CTNNBL1: variants seen among roughly 807,000 people sequenced by gnomAD.
The protein encoded by CTNNBL1 is catenin beta like 1.
Under a neutral mutation model 72.7 loss-of-function variants are expected in CTNNBL1, and 31 were observed. The ratio of observed to expected loss-of-function variants is 0.43; its 90% CI spans 0.32 to 0.58. The LOEUF (loss-of-function observed/expected upper bound fraction) is 0.58, where lower values mean the gene tolerates loss of function less well. Among genes scored for constraint, CTNNBL1 ranks in the 20% least tolerant of loss-of-function variants. The probability of loss-of-function intolerance (pLI) is 0.08; values close to 1 mark genes in which losing one functional copy is unlikely to be tolerated. For missense variants in CTNNBL1, 534 were observed against 725.1 expected, an observed-to-expected ratio of 0.74 and a Z score of 3.03; for synonymous variants, 240 against 267.3, an observed-to-expected ratio of 0.90 and a Z score of 1.00.
intron 12 of CTNNBL1, among the ~76,000 whole-genome samples, chr20:37,840,747 A>G (rs1050413374): frequency 7.9e-5 from 12 of 152,072 alleles, no homozygotes; most frequent in African/African-American, 2.7e-4. Context: ...TGGGAACTCA[A>G]TTACATGAAA....
rs1053092630 is a variant in CTNNBL1 at position 37,814,314 on chromosome 20, T to C, written c.1213+11266T>C. Among the ~76,000 whole-genome samples the C allele has an allele frequency of 1.8e-4, 28 of 152,224 alleles. 1 individual carries two copies. Among genetic ancestry groups the C allele is most frequent in the Non-Finnish European group, 1.5e-5 (1 of 68,046 alleles). On this transcript the variant is annotated intron_variant, in intron 11 of 15. Transcript: ENST00000361383. ...AAGGTGTCAGTAGTCCTGGCCCCAG[T>C]ACTGCATAAATAACTTTCATCTCTC... is the stretch of plus-strand genomic sequence containing the variant.
chr20:37,864,609 A>AC (rs1280251132), intron 15 of CTNNBL1, among the ~76,000 whole-genome samples: 4 of 152,140 alleles, frequency 2.6e-5, no homozygotes, highest in African/African-American at 9.7e-5. Flanking sequence ...CTTCCCCAGA[A>AC]CCAGCAGCAG....
intron 10 of CTNNBL1, among the ~76,000 whole-genome samples, chr20:37,780,603 A>G (rs1275695088): frequency 6.6e-6 from 1 of 152,152 alleles, no homozygotes; most frequent in African/African-American, 2.4e-5. Context: ...CATGGCCTCT[A>G]AGGGACTGTA....
chr20:37,854,744 A>G (rs2072424734), intron 13 of CTNNBL1, among the ~76,000 whole-genome samples: 1 of 151,590 alleles, frequency 6.6e-6, no homozygotes, highest in African/African-American at 2.4e-5. Context: ...GTGCACCACC[A>G]CTCCTGGTTA....
intron 4 of CTNNBL1, chr20:37,757,120 T>G (rs181740759): frequency 6.5e-6 from 1 of 153,504 alleles, no homozygotes; most frequent in Non-Finnish European, 1.5e-5. Context: ...TCCTGATCTC[T>G]GAAGACTCCT....
intron 1 of CTNNBL1, chr20:37,727,355 C>A: frequency 1.0e-6 from 1 of 984,774 alleles, no homozygotes; most frequent in Middle Eastern, 5.2e-4. Context: ...AGATTATTGG[C>A]GAGTAAAGGC....
At position 37,803,053 on chromosome 20, in the gene CTNNBL1, G is replaced by C; in HGVS notation, c.1213+5G>C. The C allele has an allele frequency of 6.2e-7, 1 of 1,612,138 alleles. No homozygotes were observed. Among genetic ancestry groups the C allele is most frequent in the Non-Finnish European group, 8.5e-7 (1 of 1,178,710 alleles). On this transcript the variant is annotated splice_donor_5th_base_variant and intron_variant, in intron 11 of 15. Transcript: ENST00000361383. ...CCACTGAGAAGGAACATGAAGGTAG[G>C]GTTCACTGGAGGAGTCAGCCTAATT...
intron 11 of CTNNBL1, among the ~76,000 whole-genome samples, chr20:37,816,199 G>T (rs192496119): frequency 6.6e-6 from 1 of 152,304 alleles, no homozygotes; most frequent in Admixed American, 6.5e-5. Flanking sequence ...TCAAGTATCA[G>T]GTTCAAGAGA....
At chr20:37,861,191 C>T (rs2072488636) in intron 15 of CTNNBL1, among the ~76,000 whole-genome samples, 1 of 152,222 alleles carries the variant, frequency 6.6e-6, no homozygotes, top group South Asian at 2.1e-4. Flanking sequence ...CAGTCTGTAC[C>T]TGGCACACAG....
At chr20:37,805,541 C>T (rs188611797) in intron 11 of CTNNBL1, among the ~76,000 whole-genome samples, 2,003 of 151,882 alleles carry the variant, frequency 0.013, 46 homozygotes, top group African/African-American at 0.047. Flanking sequence ...GGACTACAGG[C>T]GCCCACCACC....
chr20:37,800,617 G>A (rs567402556), intron 10 of CTNNBL1, among the ~76,000 whole-genome samples: 42 of 152,038 alleles, frequency 2.8e-4, no homozygotes, highest in African/African-American at 9.9e-4. Flanking sequence ...ATATTTACAT[G>A]TATATTATTC....
chr20:37,728,137 A>G (rs1175027369), intron 1 of CTNNBL1, among the ~76,000 whole-genome samples: 2 of 152,234 alleles, frequency 1.3e-5, no homozygotes, highest in African/African-American at 4.8e-5. Flanking sequence ...GCTGTTCAGT[A>G]CTATAGCCAC....
intron 13 of CTNNBL1, among the ~76,000 whole-genome samples, chr20:37,847,215 C>T (rs1285749435): frequency 2.0e-5 from 3 of 152,200 alleles, no homozygotes; most frequent in Non-Finnish European, 4.4e-5. Flanking sequence ...AAAAATACTA[C>T]TTCGAAGAAT....
intron 1 of CTNNBL1, among the ~76,000 whole-genome samples, chr20:37,706,653 A>T (rs371538672): frequency 6.6e-6 from 1 of 152,196 alleles, no homozygotes. Flanking sequence ...ATCCACGAGG[A>T]TTGGAATCAA....
intron 11 of CTNNBL1, among the ~76,000 whole-genome samples, chr20:37,818,252 G>A (rs572309955): frequency 2.6e-5 from 4 of 152,170 alleles, no homozygotes; most frequent in Non-Finnish European, 5.9e-5. Context: ...CACCCTAGAG[G>A]CACTTACCTT....
intron 1 of CTNNBL1, among the ~76,000 whole-genome samples, chr20:37,729,127 A>G: frequency 6.6e-6 from 1 of 152,312 alleles, no homozygotes; most frequent in Admixed American, 6.5e-5. Flanking sequence ...TATATGACAT[A>G]TTTATAGGTG....
At chr20:37,703,151 G>T (rs1020660800) in intron 1 of CTNNBL1, among the ~76,000 whole-genome samples, 9 of 152,086 alleles carry the variant, frequency 5.9e-5, no homozygotes, top group African/African-American at 1.7e-4. Flanking sequence ...TAGAGTTTCC[G>T]TATATTCCTC....
chr20:37,785,692 T>C (rs2073666992), intron 10 of CTNNBL1, among the ~76,000 whole-genome samples: 2 of 152,242 alleles, frequency 1.3e-5, no homozygotes, highest in African/African-American at 4.8e-5. Context: ...CTATTTTGAA[T>C]TTTTTATCTG....
intron 1 of CTNNBL1, among the ~76,000 whole-genome samples, chr20:37,723,010 G>A (rs1253151628): frequency 6.6e-6 from 1 of 152,224 alleles, no homozygotes; most frequent in Non-Finnish European, 1.5e-5. Context: ...TTGCCTTCCA[G>A]TGACTTTACA....
Sources: gnomAD v4.1 joint callset for allele counts (sites outside exome capture counted in the v4.1 genomes callset) on GRCh38, gnomAD v4.1.1 for gene constraint, MANE v1.5 for transcripts, NCBI Gene and HGNC (gene_info 2026-07-23, HGNC 2026-07-21) for gene names.